The following NTM variants were observed in gnomAD, a reference collection of about 807,000 sequenced individuals.
NTM encodes the protein IgLON family member 2.
Under a neutral mutation model 42.1 loss-of-function variants are expected in NTM, and 13 were observed. The ratio of observed to expected loss-of-function variants is 0.31; its 90% CI spans 0.20 to 0.49. The LOEUF is 0.49. Among genes scored for constraint, NTM ranks in the 20% least tolerant of loss-of-function variants. NTM has a pLI of 0.99. For missense variants in NTM, 373 were observed against 452.8 expected (o/e 0.82, Z 1.60); for synonymous variants, 187 against 179.2 (o/e 1.04, Z -0.35).
At chr11:131,919,171 A>T (rs1189486207) in intron 2 of NTM, among the ~76,000 whole-genome samples, 1 of 151,624 alleles carries the variant, frequency 6.6e-6, no homozygotes, top group Non-Finnish European at 1.5e-5. Flanking sequence ...TTGTAAAAAA[A>T]GATAATTAAT....
chr11:131,792,585 A>G lies in NTM; in HGVS notation c.83-118979A>G, dbSNP rs535796062. ...TTCATCTCTATTTAATGCCATCACC[A>G]CCTCTTCATAAAACTCCACCTTTCT... is the stretch of plus-strand genomic sequence containing the variant. On this transcript the variant is annotated intron_variant, in intron 1 of 8. Transcript: ENST00000683400. 7.2e-5 allele frequency among the ~76,000 whole-genome samples: 11 copies of G among 152,052 alleles called. No individual in the cohort carries two copies. The East Asian group carries it at 1.4e-3, about 19-fold the overall frequency.
At chr11:131,527,019 C>T (rs990122315) in intron 1 of NTM, among the ~76,000 whole-genome samples, 3 of 152,212 alleles carry the variant, frequency 2.0e-5, no homozygotes, top group Non-Finnish European at 4.4e-5. Context: ...TTGGTGATTT[C>T]AGTCCTATCT....
intron 4 of NTM, among the ~76,000 whole-genome samples, chr11:132,295,257 A>C (rs905513129): frequency 6.6e-6 from 1 of 152,162 alleles, no homozygotes; most frequent in African/African-American, 2.4e-5. Context: ...AACAATTGAT[A>C]TGATATAACG....
intron 1 of NTM, among the ~76,000 whole-genome samples, chr11:131,427,632 T>C (rs1948277669): frequency 6.6e-6 from 1 of 152,230 alleles, no homozygotes; most frequent in Non-Finnish European, 1.5e-5. Flanking sequence ...TCACCTGGTG[T>C]CTCAGCTAAA....
chr11:131,688,574 C>T (rs789531), intron 1 of NTM, among the ~76,000 whole-genome samples: 42,820 of 152,136 alleles, frequency 0.28, 7,803 homozygotes, highest in African/African-American at 0.52. Flanking sequence ...TCTGGCTGCC[C>T]CCTCTGTGCC....
chr11:131,582,835 TG>T (rs2058534957), intron 1 of NTM, among the ~76,000 whole-genome samples: 1 of 152,172 alleles, frequency 6.6e-6, no homozygotes, highest in South Asian at 2.1e-4. Context: ...TACTGGCGTT[TG>T]GGGTAATGCC....
At chr11:132,267,448 C>T (rs1210821290) in intron 4 of NTM, among the ~76,000 whole-genome samples, 1 of 151,434 alleles carries the variant, frequency 6.6e-6, no homozygotes, top group Non-Finnish European at 1.5e-5. Flanking sequence ...TTCAAATCCA[C>T]ACGCAAGCCC....
intron 2 of NTM, among the ~76,000 whole-genome samples, chr11:132,137,124 G>T (rs2068082319): frequency 6.6e-6 from 1 of 152,120 alleles, no homozygotes; most frequent in South Asian, 2.1e-4. Context: ...CAGTGTAATT[G>T]CAAAAAAAAG....
Position 131,787,488 on chromosome 11 carries a change from C to T in NTM, c.83-124076C>T, listed in dbSNP as rs188756730. ...TCCTCCTCCTCCTCCTGGGTTCAAGCGATTCTCCTGCCTCAGCCTTTGGAG... is the reference window on the plus strand; with the variant it reads ...TCCTCCTCCTCCTCCTGGGTTCAAGTGATTCTCCTGCCTCAGCCTTTGGAG... On this transcript the variant is annotated intron_variant, in intron 1 of 8. Transcript: ENST00000683400. 8.5e-3 allele frequency among the ~76,000 whole-genome samples: 1,290 copies of T among 151,752 alleles called. 17 individuals are homozygous for T. The highest frequency in any genetic ancestry group is 0.017 in the Admixed American group (255 of 15,244).
chr11:131,531,164 T>G (rs567904174), intron 1 of NTM, among the ~76,000 whole-genome samples: 8 of 152,310 alleles, frequency 5.3e-5, no homozygotes, highest in Non-Finnish European at 1.2e-4. Flanking sequence ...TTAGACAGGA[T>G]CTCACTTTGT....
At chr11:131,471,572 T>C (rs1952447023) in intron 1 of NTM, among the ~76,000 whole-genome samples, 1 of 152,258 alleles carries the variant, frequency 6.6e-6, no homozygotes, top group African/African-American at 2.4e-5. Context: ...ATTAGTCTTA[T>C]ATTTATATTA....
intron 1 of NTM, chr11:131,910,928 C>T: frequency 1.0e-6 from 1 of 988,554 alleles, no homozygotes. Context: ...GCGCGCCACC[C>T]CTGCGCCTCC....
chr11:131,638,033 C>T (rs2064635195), intron 1 of NTM, among the ~76,000 whole-genome samples: 2 of 152,224 alleles, frequency 1.3e-5, no homozygotes, highest in South Asian at 4.1e-4. Context: ...CTACACCAAG[C>T]GTAACACAAG....
At chr11:132,218,254 C>T (rs1358474843) in intron 4 of NTM, among the ~76,000 whole-genome samples, 1 of 152,118 alleles carries the variant, frequency 6.6e-6, no homozygotes, top group Non-Finnish European at 1.5e-5. Context: ...AGGGCAACCA[C>T]CCAACACCAA....
chr11:131,887,349 C>G (rs1353543129), intron 1 of NTM, among the ~76,000 whole-genome samples: 1 of 152,100 alleles, frequency 6.6e-6, no homozygotes, highest in Non-Finnish European at 1.5e-5. Context: ...AAAAACAAAA[C>G]AGGAAATTCA....
chr11:131,717,571 TTCTTG>T (rs909819018), intron 1 of NTM, among the ~76,000 whole-genome samples: 7 of 152,278 alleles, frequency 4.6e-5, no homozygotes, highest in African/African-American at 1.4e-4. Flanking sequence ...TGCATAGAAT[TTCTTG>T]TCTTGTAACA....
At chr11:131,735,704 G>A (rs368888516) in intron 1 of NTM, among the ~76,000 whole-genome samples, 1 of 152,134 alleles carries the variant, frequency 6.6e-6, no homozygotes, top group Non-Finnish European at 1.5e-5. Flanking sequence ...GTGCTTCCAT[G>A]CCCCTTAGCT....
At chr11:131,532,170 T>G (rs551261880) in intron 1 of NTM, among the ~76,000 whole-genome samples, 27 of 152,258 alleles carry the variant, frequency 1.8e-4, no homozygotes, top group East Asian at 5.8e-4. Context: ...TACAACCATC[T>G]CCAGAATTTT....
At chr11:132,184,695 T>C (rs2078124080) in intron 3 of NTM, among the ~76,000 whole-genome samples, 1 of 152,204 alleles carries the variant, frequency 6.6e-6, no homozygotes, top group Non-Finnish European at 1.5e-5. Context: ...AACTGCATTT[T>C]TTCTTTTAAA....
Sources: allele counts gnomAD v4.1 joint callset (sites outside exome capture counted in the v4.1 genomes callset), GRCh38; gene constraint gnomAD v4.1.1; transcripts MANE v1.5; gene names NCBI Gene and HGNC (gene_info 2026-07-23, HGNC 2026-07-21).